Variants in FGF14 observed in about 807,000 individuals in gnomAD.
FGF14 encodes the protein fibroblast growth factor homologous factor 4.
Under a neutral mutation model 25.5 loss-of-function variants are expected in FGF14, and 5 were observed. The observed-to-expected ratio is 0.20, with a 90% CI of 0.10 to 0.41. The LOEUF (loss-of-function observed/expected upper bound fraction) is 0.41, where lower values mean the gene tolerates loss of function less well. Ranked by LOEUF, FGF14 falls within the 10% of genes least tolerant of loss-of-function variation. FGF14 has a pLI of 1.00. For missense variants in FGF14, 222 were observed against 320.1 expected (o/e 0.69, Z 2.34); for synonymous variants, 138 against 118.3 (o/e 1.17, Z -1.08).
At chr13:102,392,198 T>C (rs1185421153) in intron 1 of FGF14, among the ~76,000 whole-genome samples, 1 of 152,206 alleles carries the variant, frequency 6.6e-6, no homozygotes, top group Non-Finnish European at 1.5e-5. Flanking sequence ...CTACATTCAT[T>C]CCTATCTAAA....
chr13:101,987,970 TC>T (rs2038684204), intron 1 of FGF14, among the ~76,000 whole-genome samples: 1 of 152,050 alleles, frequency 6.6e-6, no homozygotes, highest in Non-Finnish European at 1.5e-5. Context: ...TGATGTATTT[TC>T]ATTACCACTC....
At chr13:101,939,053 A>G (rs900646090) in intron 1 of FGF14, among the ~76,000 whole-genome samples, 3 of 152,184 alleles carry the variant, frequency 2.0e-5, no homozygotes, top group African/African-American at 7.2e-5. Flanking sequence ...AACCAGCTCA[A>G]AATGCCAATA....
At chr13:101,917,695 C>T (rs2033675395), upstream of FGF14, among the ~76,000 whole-genome samples, 1 of 152,066 alleles carries the variant, frequency 6.6e-6, no homozygotes, top group Non-Finnish European at 1.5e-5. Context: ...CCCAAACTTG[C>T]AGGACCCTCC....
chr13:101,870,040 A>T (rs2044963591), intron 2 of FGF14, among the ~76,000 whole-genome samples: 1 of 152,200 alleles, frequency 6.6e-6, no homozygotes, highest in African/African-American at 2.4e-5. Context: ...CATGAATATT[A>T]TCCCTGGAAA....
chr13:101,789,868 T>G (rs1325241411), intron 3 of FGF14, among the ~76,000 whole-genome samples: 1 of 151,552 alleles, frequency 6.6e-6, no homozygotes, highest in Non-Finnish European at 1.5e-5. Context: ...CAGAATCTCC[T>G]CTTAATATTT....
chr13:102,296,498 C>A lies in FGF14; in HGVS notation c.208+104973G>T, dbSNP rs193026064. Reference sequence around the variant, plus strand: ...CCCTGATGTACTGCAAGGCAATTAGCAACTAAATTTTTGCTAAGTGCACTT... The same window carrying A: ...CCCTGATGTACTGCAAGGCAATTAGAAACTAAATTTTTGCTAAGTGCACTT... On this transcript the variant is annotated intron_variant, in intron 1 of 4. Coordinates refer to the FGF14 transcript ENST00000376131. Among the ~76,000 whole-genome samples the A allele has an allele frequency of 2.0e-5, 3 of 152,194 alleles. No homozygotes were observed. The East Asian group carries it at 5.8e-4, about 29-fold the overall frequency.
intron 3 of FGF14, among the ~76,000 whole-genome samples, chr13:101,794,342 C>T (rs1315031773): frequency 1.3e-5 from 2 of 151,980 alleles, no homozygotes; most frequent in Admixed American, 1.3e-4. Flanking sequence ...CTGATTTGGT[C>T]AGTAGTCAGG....
At chr13:102,262,665 C>T (rs1408960586) in intron 1 of FGF14, among the ~76,000 whole-genome samples, 1 of 152,152 alleles carries the variant, frequency 6.6e-6, no homozygotes, top group Non-Finnish European at 1.5e-5. Flanking sequence ...CACCCACTAA[C>T]AGGTAAGCAT....
intron 3 of FGF14, among the ~76,000 whole-genome samples, chr13:101,864,687 G>C (rs546872736): frequency 8.6e-5 from 13 of 152,034 alleles, no homozygotes; most frequent in Admixed American, 2.6e-4. Flanking sequence ...ATACAATCTG[G>C]TTAACAGATT....
At chr13:102,001,778 T>TA (rs2039508849) in intron 1 of FGF14, among the ~76,000 whole-genome samples, 1 of 152,090 alleles carries the variant, frequency 6.6e-6, no homozygotes, top group Non-Finnish European at 1.5e-5. Flanking sequence ...AACCAATGGA[T>TA]TTGTCAACAG....
rs1411390240 is a variant in FGF14, at chr13:101,827,944, G to GA, written c.408+40780dup. ...ATTTCTAAAAAAAAAAAAAAAGAAA[G>GA]AAAAAAGTGTGGTATACTGGTATGC... On this transcript the variant is annotated intron_variant, in intron 3 of 4. Transcript: ENST00000376143. Among the ~76,000 whole-genome samples, 316 of 123,662 alleles carry GA rather than the reference G, an allele frequency of 2.6e-3. 1 individual carries two copies. Among genetic ancestry groups the GA allele is most frequent in the African/African-American group, 8.3e-3 (300 of 36,316 alleles). 81.1% of individuals were successfully genotyped at this position (123,662 alleles called of 152,430 possible).
chr13:102,161,570 A>AAAGAGAAGAAGAAG (rs1555369385), intron 1 of FGF14, among the ~76,000 whole-genome samples: 162 of 5,652 alleles, frequency 0.029, 41 homozygotes, highest in African/African-American at 0.033. Flanking sequence ...TTCTGTGAAG[A>AAAGAGAAGAAGAAG]AAGAAAGAAG....
chr13:101,809,234 T>C (rs930239164), intron 3 of FGF14, among the ~76,000 whole-genome samples: 2 of 152,164 alleles, frequency 1.3e-5, no homozygotes, highest in African/African-American at 4.8e-5. Context: ...AAAATTACTT[T>C]ATGTAGAGAA....
In FGF14 at chr13:101,714,259, G is replaced by T; in HGVS notation, c.*8572C>A. 1 of 596,562 alleles carries T rather than the reference G, an allele frequency of 1.7e-6. No homozygotes were observed. The highest frequency in any genetic ancestry group is 3.0e-6 in the Non-Finnish European group (1 of 333,852). The allele number at this position is 596,562 out of a possible 1,614,324, so 37.0% of individuals were successfully genotyped here. A position where few individuals can be genotyped will look rare whatever the true frequency, so the allele number is the denominator to read the frequency against. ...AGATCCATAATGAAGGCTTTCCTGG[G>T]TGACCTTTATGAATTACAGTAAGTA... On this transcript the variant is annotated 3_prime_UTR_variant, in exon 5 of 5. Transcript: ENST00000376143.
At chr13:102,065,415 A>G (rs1210352359) in intron 1 of FGF14, among the ~76,000 whole-genome samples, 1 of 152,106 alleles carries the variant, frequency 6.6e-6, no homozygotes, top group Non-Finnish European at 1.5e-5. Flanking sequence ...TTGAGTATAC[A>G]ATGACACAGT....
At chr13:102,324,798 TTA>T (rs1403160679) in intron 1 of FGF14, among the ~76,000 whole-genome samples, 1 of 152,238 alleles carries the variant, frequency 6.6e-6, no homozygotes, top group Non-Finnish European at 1.5e-5. Flanking sequence ...TATTGCATTT[TTA>T]TATGAGAAGA....
At chr13:102,074,698 C>T (rs2043290074) in intron 1 of FGF14, among the ~76,000 whole-genome samples, 1 of 152,112 alleles carries the variant, frequency 6.6e-6, no homozygotes, top group Admixed American at 6.6e-5. Flanking sequence ...CAAAATATCA[C>T]CAAACCAAAT....
At chr13:102,325,971 G>A (rs183396071) in intron 1 of FGF14, among the ~76,000 whole-genome samples, 2 of 152,246 alleles carry the variant, frequency 1.3e-5, no homozygotes, top group African/African-American at 2.4e-5. Flanking sequence ...CATAGGTGAT[G>A]CTTAAAAGCA....
intron 1 of FGF14, among the ~76,000 whole-genome samples, chr13:101,996,450 G>T (rs1188800778): frequency 1.3e-5 from 2 of 152,168 alleles, no homozygotes; most frequent in East Asian, 3.9e-4. Flanking sequence ...AGTAATTCAG[G>T]TGAAAAATGA....
Sources: allele counts gnomAD v4.1 joint callset (sites outside exome capture counted in the v4.1 genomes callset), GRCh38; gene constraint gnomAD v4.1.1; transcripts MANE v1.5; gene names NCBI Gene and HGNC (gene_info 2026-07-23, HGNC 2026-07-21).